The following EML4 variants were observed in gnomAD, a reference collection of about 807,000 sequenced individuals.
The protein encoded by EML4 is EMAP like 4.
In EML4, 72 loss-of-function variants were observed where a neutral mutation model predicts 129.0. The observed-to-expected ratio is 0.56, with a 90% CI of 0.46 to 0.68. The LOEUF (loss-of-function observed/expected upper bound fraction) is 0.68. EML4 is among the 30% of genes least tolerant of loss of function. The probability of loss-of-function intolerance (pLI) is 0.00; values close to 1 mark genes in which losing one functional copy is unlikely to be tolerated. For missense variants in EML4, 1,363 were observed against 1,190.6 expected, an observed-to-expected ratio of 1.14 and a Z score of -2.13; for synonymous variants, 532 against 405.0, an observed-to-expected ratio of 1.31 and a Z score of -3.77.
In EML4 at chr2:42,330,138, C is replaced by A. The variant is rs150747163; in HGVS notation, c.2877C>A (p.Asn959Lys). 1.1e-5 allele frequency: 17 copies of A among 1,611,916 alleles called. No homozygotes were observed. The Admixed American group carries it at 2.8e-4, about 27-fold the overall frequency. The change falls in exon 23 of 23, where the codon AAC becomes AAA. Residue 959 changes from asparagine to lysine, a missense_variant. Asn to Lys is a moderately conservative substitution (Grantham distance 94). Transcript: ENST00000318522. ...LGEPLYEEPCNEISKEQAKAT... is the reference protein window; with the variant it reads ...LGEPLYEEPCKEISKEQAKAT... ...AGCCTCTTTATGAAGAGCCATGCAA[C>A]GAGATAAGCAAGGAGCAGGCCAAAG...
intron 1 of EML4, among the ~76,000 whole-genome samples, chr2:42,229,563 A>G (rs1674190597): frequency 6.6e-6 from 1 of 152,180 alleles, no homozygotes; most frequent in South Asian, 2.1e-4. Context: ...TCACCACGAG[A>G]GAGAAAAATA....
intron 1 of EML4, among the ~76,000 whole-genome samples, chr2:42,208,750 T>G (rs1207222536): frequency 6.6e-6 from 1 of 151,630 alleles, no homozygotes; most frequent in East Asian, 1.9e-4. Flanking sequence ...CTACTCCTTT[T>G]ATTTATTTTT....
intron 1 of EML4, among the ~76,000 whole-genome samples, chr2:42,244,592 A>G (rs1334814538): frequency 6.6e-6 from 1 of 152,130 alleles, no homozygotes; most frequent in Non-Finnish European, 1.5e-5. Context: ...CCTTTTTTTA[A>G]GAGAGGTTGT....
At chr2:42,263,090 A>T in intron 4 of EML4, 88 bp from the exon 5 acceptor site, 1 of 1,099,668 alleles carries the variant, frequency 9.1e-7, no homozygotes, top group Non-Finnish European at 1.3e-6. Flanking sequence ...AGGAAATGTT[A>T]ATTGCTGCTT....
At chr2:42,264,129 T>TTTTTTA (rs1665917986) in intron 5 of EML4, among the ~76,000 whole-genome samples, 1 of 102,844 alleles carries the variant, frequency 9.7e-6, no homozygotes, top group Non-Finnish European at 1.9e-5. Context: ...TTTTTTTTTT[T>TTTTTTA]GAGACAGTGT....
rs554531567 is a variant in EML4, at chr2:42,269,531, A to T, written c.667+4800A>T. On this transcript the variant is annotated intron_variant, in intron 6 of 22. Transcript: ENST00000318522. Reference sequence around the variant, plus strand: ...TAGACAAAACAGATAAATACTTCATATGTCAGGAAGGTGATATATATGAGG... The same window carrying T: ...TAGACAAAACAGATAAATACTTCATTTGTCAGGAAGGTGATATATATGAGG... Among the ~76,000 whole-genome samples the T allele has an allele frequency of 1.7e-3, 262 of 152,298 alleles. 1 individual carries two copies. Among genetic ancestry groups the T allele is most frequent in the Non-Finnish European group, 3.1e-3 (210 of 68,006 alleles).
In EML4 at chr2:42,288,244, A is replaced by T; in HGVS notation, c.1140A>T (p.Leu380Phe). Reference sequence around the variant, plus strand: ...TTCTTTAGGATTCAGGTGTTCATTTATGTATTATTGATGACTCCAATGAGC... The same window carrying T: ...TTCTTTAGGATTCAGGTGTTCATTTTTGTATTATTGATGACTCCAATGAGC... The part of the protein sequence containing the change: ...DFSKADSGVH[L>F]CIIDDSNEHM... Residue 380 changes from leucine (L) to phenylalanine (F), a missense_variant, in exon 11 of 23, where the codon TTA becomes TTT. By Grantham distance (22) the Leu-to-Phe change is conservative. Coordinates refer to ENST00000318522, the MANE Select transcript of EML4 (RefSeq NM_019063.5). The T allele has an allele frequency of 6.8e-7, 1 of 1,477,820 alleles. No homozygotes were observed. The highest frequency in any genetic ancestry group is 1.2e-5 in the South Asian group (1 of 81,206). The allele number at this position is 1,477,820 out of a possible 1,614,324, so 91.5% of individuals were successfully genotyped here. A position where few individuals can be genotyped will look rare whatever the true frequency, so the allele number is the denominator to read the frequency against.
At chr2:42,170,890 C>G (rs1341218232) in intron 1 of EML4, among the ~76,000 whole-genome samples, 1 of 152,186 alleles carries the variant, frequency 6.6e-6, no homozygotes, top group Non-Finnish European at 1.5e-5. Context: ...TTTTTAAAAT[C>G]TAAAGTAAAA....
At chr2:42,295,101 A>C (rs765188547) in intron 11 of EML4, 24 bp from the exon 12 acceptor site, 1 of 1,594,226 alleles carries the variant, frequency 6.3e-7, no homozygotes, top group Non-Finnish European at 8.5e-7. Context: ...ACATTCATCT[A>C]AAGCTTTATT....
intron 13 of EML4, among the ~76,000 whole-genome samples, chr2:42,299,171 G>C (rs1668130920): frequency 6.6e-6 from 1 of 152,106 alleles, no homozygotes; most frequent in African/African-American, 2.4e-5. Context: ...CTGCTGAATT[G>C]GGCAAGTTCT....
intron 17 of EML4, among the ~76,000 whole-genome samples, chr2:42,308,802 CTGTT>C (rs1283663215): frequency 2.6e-5 from 4 of 151,806 alleles, no homozygotes; most frequent in African/African-American, 9.7e-5. Flanking sequence ...TATAGGTTGT[CTGTT>C]CTGGGCATTT....
intron 14 of EML4, 95 bp from the exon 15 acceptor site, chr2:42,303,009 T>G (rs917039539): frequency 1.1e-5 from 14 of 1,296,392 alleles, no homozygotes; most frequent in Non-Finnish European, 1.3e-5. Flanking sequence ...TTCGTCATAA[T>G]TACCTCATAA....
chr2:42,232,666 C>A (rs978486929), intron 1 of EML4, among the ~76,000 whole-genome samples: 1 of 152,222 alleles, frequency 6.6e-6, no homozygotes, highest in African/African-American at 2.4e-5. Flanking sequence ...CTGAGTCTTA[C>A]TTGTAGAAAC....
At chr2:42,301,119 T>C (rs963418543) in intron 13 of EML4, 122 bp from the exon 14 acceptor site, 2 of 774,028 alleles carry the variant, frequency 2.6e-6, no homozygotes, top group Admixed American at 7.1e-5. Flanking sequence ...AATAGGTTTT[T>C]GATTGAGTCA....
intron 6 of EML4, among the ~76,000 whole-genome samples, chr2:42,265,632 A>G (rs1666017525): frequency 6.6e-6 from 1 of 152,062 alleles, no homozygotes; most frequent in Admixed American, 6.5e-5. Context: ...GGGATAAAAT[A>G]CTAGAGGGAG....
In EML4 at chr2:42,306,484, CTTTTTTTTTT is replaced by C. The variant is rs375707062; in HGVS notation, c.1967+1950_1967+1959del. 1.6e-4 allele frequency among the ~76,000 whole-genome samples: 12 copies of C among 74,604 alleles called. 1 individual carries two copies. The highest frequency in any genetic ancestry group is 5.2e-4 in the African/African-American group (11 of 21,150). 48.9% of individuals were successfully genotyped at this position (74,604 alleles called of 152,430 possible). A position where few individuals can be genotyped will look rare whatever the true frequency, so the allele number is the denominator to read the frequency against. The stretch of plus-strand genomic sequence containing the variant: ...GTGTCTGATGACCTTGTGCTAAATC[CTTTTTTTTTT>C]TTTTTTTTTTTTTTTTGAGATAGAG... On this transcript the variant is annotated intron_variant, in intron 17 of 22. Transcript: ENST00000318522.
At chr2:42,303,060 T>A in intron 14 of EML4, 44 bp from the exon 15 acceptor site, 3 of 1,586,690 alleles carry the variant, frequency 1.9e-6, no homozygotes, top group Non-Finnish European at 2.6e-6. Flanking sequence ...TAGTAATTAA[T>A]GCATATTAGT....
intron 17 of EML4, 50 bp from the exon 18 acceptor site, chr2:42,315,912 T>TG: frequency 7.3e-7 from 1 of 1,368,512 alleles, no homozygotes; most frequent in Non-Finnish European, 1.0e-6. Context: ...ACTTTTTTTT[T>TG]CTATAAATGC....
At chr2:42,311,584 A>G (rs920281946) in intron 17 of EML4, among the ~76,000 whole-genome samples, 1 of 152,208 alleles carries the variant, frequency 6.6e-6, no homozygotes, top group Admixed American at 6.5e-5. Flanking sequence ...TGAGAGTGTC[A>G]TAAAGTTTCC....
Sources: gnomAD v4.1 joint callset for allele counts (sites outside exome capture counted in the v4.1 genomes callset) on GRCh38, gnomAD v4.1.1 for gene constraint, MANE v1.5 for transcripts, NCBI Gene and HGNC (gene_info 2026-07-23, HGNC 2026-07-21) for gene names.